The following MECOM variants were observed in gnomAD, a reference collection of about 807,000 sequenced individuals.
MECOM encodes the protein histone-lysine N-methyltransferase MECOM.
MECOM carries 13 observed loss-of-function variants against 116.3 expected under a neutral mutation model. The observed-to-expected ratio is 0.11, with a 90% confidence interval of 0.07 to 0.18. The LOEUF (loss-of-function observed/expected upper bound fraction) is 0.18, where lower values mean the gene tolerates loss of function less well. Ranked by LOEUF, MECOM falls within the 10% of genes least tolerant of loss-of-function variation. The probability of loss-of-function intolerance (pLI) is 1.00; values close to 1 mark genes in which losing one functional copy is unlikely to be tolerated. For missense variants in MECOM, 1,299 were observed against 1,509.0 expected (o/e 0.86, Z 2.31); for synonymous variants, 528 against 535.2 (o/e 0.99, Z 0.19).
chr3:169,377,035 C>T (rs967073028), intron 2 of MECOM, among the ~76,000 whole-genome samples: 5 of 152,136 alleles, frequency 3.3e-5, no homozygotes, highest in African/African-American at 1.2e-4. Context: ...ACATCTACAA[C>T]CATCTGATCT....
At chr3:169,239,998 T>C (rs1444293774) in intron 2 of MECOM, among the ~76,000 whole-genome samples, 1 of 152,206 alleles carries the variant, frequency 6.6e-6, no homozygotes, top group Non-Finnish European at 1.5e-5. Flanking sequence ...TGCTGATAAT[T>C]TCCTGTCTAC....
intron 10 of MECOM, among the ~76,000 whole-genome samples, chr3:169,105,860 A>C (rs563764858): frequency 3.3e-5 from 5 of 152,270 alleles, no homozygotes; most frequent in African/African-American, 9.6e-5. Flanking sequence ...CTACCAAAAA[A>C]TGTAGCTATC....
chr3:169,466,834 C>A (rs1181292171), intron 1 of MECOM, among the ~76,000 whole-genome samples: 1 of 152,144 alleles, frequency 6.6e-6, no homozygotes. Flanking sequence ...TAAAATTCAT[C>A]AATCCTAATT....
intron 5 of MECOM, among the ~76,000 whole-genome samples, chr3:169,122,976 G>C (rs1368988424): frequency 6.6e-6 from 1 of 151,972 alleles, no homozygotes; most frequent in Non-Finnish European, 1.5e-5. Flanking sequence ...TGATACAGCT[G>C]GCAGGGATTA....
At chr3:169,293,244 A>C (rs1037427143) in intron 2 of MECOM, among the ~76,000 whole-genome samples, 1 of 151,970 alleles carries the variant, frequency 6.6e-6, no homozygotes, top group Admixed American at 6.6e-5. Context: ...ACTCACCTTC[A>C]TGGTTTCACG....
chr3:169,415,718 A>G (rs966699662), intron 1 of MECOM, among the ~76,000 whole-genome samples: 2 of 152,176 alleles, frequency 1.3e-5, no homozygotes, highest in African/African-American at 2.4e-5. Context: ...AAAAAAAAGC[A>G]TGGGTTGCAA....
intron 1 of MECOM, among the ~76,000 whole-genome samples, chr3:169,537,583 C>T (rs983797038): frequency 1.3e-5 from 2 of 152,028 alleles, no homozygotes; most frequent in East Asian, 3.9e-4. Context: ...AATTGACAGG[C>T]TAAAGTTAGT....
In MECOM at chr3:169,458,707, T is replaced by G. The variant is rs867245442; in HGVS notation, c.38-77183A>C. Among the ~76,000 whole-genome samples, 54 of 152,316 alleles carry G rather than the reference T, an allele frequency of 3.5e-4. No individual in the cohort carries two copies. In the Middle Eastern group the frequency reaches 0.014, roughly 38 times the overall value. ...CTGGTGACACTTTATTGGTATTTTTTGATTACTGCTATAGCCATCTAAATT... is the reference window on the plus strand; with the variant it reads ...CTGGTGACACTTTATTGGTATTTTTGGATTACTGCTATAGCCATCTAAATT... On this transcript the variant is annotated intron_variant, in intron 1 of 16. Transcript: ENST00000651503.
chr3:169,109,373 C>A (rs1238984460), intron 9 of MECOM, among the ~76,000 whole-genome samples: 3 of 151,976 alleles, frequency 2.0e-5, no homozygotes, highest in South Asian at 2.1e-4. Flanking sequence ...AGACTTTAGA[C>A]CCTCAGCATT....
At chr3:169,299,113 A>G (rs1716192525) in intron 2 of MECOM, among the ~76,000 whole-genome samples, 1 of 152,146 alleles carries the variant, frequency 6.6e-6, no homozygotes, top group Non-Finnish European at 1.5e-5. Flanking sequence ...TTTTTAACAA[A>G]TAGATCCTTC....
intron 2 of MECOM, among the ~76,000 whole-genome samples, chr3:169,349,129 C>T (rs992511229): frequency 6.8e-6 from 1 of 147,068 alleles, no homozygotes; most frequent in Non-Finnish European, 1.5e-5. Flanking sequence ...CATTTGGTAA[C>T]AATCAGGCTT....
chr3:169,175,027 C>G (rs1047907434), intron 2 of MECOM, among the ~76,000 whole-genome samples: 3 of 152,152 alleles, frequency 2.0e-5, no homozygotes, highest in African/African-American at 7.2e-5. Context: ...AGAATAGATA[C>G]TAGAGTCTGA....
chr3:169,130,789 A>T (rs914204747), intron 4 of MECOM, among the ~76,000 whole-genome samples: 4 of 147,436 alleles, frequency 2.7e-5, no homozygotes, highest in South Asian at 4.3e-4. Flanking sequence ...AAAAAGAAAA[A>T]TATATATTAA....
chr3:169,294,045 G>A (rs1346691131), intron 2 of MECOM, among the ~76,000 whole-genome samples: 1 of 152,072 alleles, frequency 6.6e-6, no homozygotes, highest in South Asian at 2.1e-4. Flanking sequence ...CTGCATGTAG[G>A]TTATACACAC....
intron 1 of MECOM, among the ~76,000 whole-genome samples, chr3:169,602,519 T>C (rs908661699): frequency 6.6e-6 from 1 of 152,146 alleles, no homozygotes; most frequent in Non-Finnish European, 1.5e-5. Context: ...GCTGTCCTGA[T>C]TGTAGGATGT....
At chr3:169,477,704 G>A (rs1750699632) in intron 1 of MECOM, among the ~76,000 whole-genome samples, 1 of 152,086 alleles carries the variant, frequency 6.6e-6, no homozygotes, top group South Asian at 2.1e-4. Flanking sequence ...AAATCCTTAT[G>A]CAGACTTTTT....
chr3:169,320,794 T>A (rs988222159), intron 2 of MECOM, among the ~76,000 whole-genome samples: 3 of 152,230 alleles, frequency 2.0e-5, no homozygotes, highest in Non-Finnish European at 4.4e-5. Flanking sequence ...AGAGAACTGT[T>A]ATATTGTGTT....
chr3:169,530,069 C>A (rs995162127), intron 1 of MECOM, among the ~76,000 whole-genome samples: 1 of 152,090 alleles, frequency 6.6e-6, no homozygotes, highest in Non-Finnish European at 1.5e-5. Context: ...GGGGAAGAAC[C>A]TAGAAAATTT....
chr3:169,323,001 A>T lies in MECOM; in HGVS notation c.375+58186T>A, dbSNP rs1486795924. Reference sequence around the variant, plus strand: ...CATGACAGAGCAAGACTCCGGTAAAAAAAAAAAAAAAAAAAAAAAAAAAAA... The same window carrying T: ...CATGACAGAGCAAGACTCCGGTAAATAAAAAAAAAAAAAAAAAAAAAAAAA... On this transcript the variant is annotated intron_variant, in intron 2 of 16. Coordinates refer to ENST00000651503, the MANE Select transcript of MECOM (RefSeq NM_004991.4). Among the ~76,000 whole-genome samples the T allele has an allele frequency of 9.9e-4, 75 of 75,808 alleles. 3 individuals are homozygous for T. In the East Asian group the frequency reaches 0.021, roughly 21 times the overall value. 49.7% of individuals were successfully genotyped at this position (75,808 alleles called of 152,430 possible).
Sources: allele counts gnomAD v4.1 joint callset (sites outside exome capture counted in the v4.1 genomes callset), GRCh38; gene constraint gnomAD v4.1.1; transcripts MANE v1.5; gene names NCBI Gene and HGNC (gene_info 2026-07-23, HGNC 2026-07-21).